The following XYLT2 variants were observed in gnomAD, a reference collection of about 807,000 sequenced individuals.
XYLT2 encodes the protein UDP-D-xylose:proteoglycan core protein beta-D-xylosyltransferase.
XYLT2 carries 37 observed loss-of-function variants against 82.6 expected under a neutral mutation model. That is an observed-to-expected ratio of 0.45 (90% confidence interval 0.34 to 0.59). The LOEUF is 0.59. Among genes scored for constraint, XYLT2 ranks in the 20% least tolerant of loss-of-function variants. The pLI, the probability that XYLT2 is intolerant of heterozygous loss-of-function variation, is 0.01. For missense variants in XYLT2, 934 were observed against 1,181.3 expected (o/e 0.79, Z 3.07); for synonymous variants, 474 against 499.0 (o/e 0.95, Z 0.67).
intron 3 of XYLT2, 124 bp downstream of exon 3, chr17:50,354,707 G>T: frequency 6.6e-7 from 1 of 1,523,402 alleles, no homozygotes; most frequent in Non-Finnish European, 8.9e-7. Flanking sequence ...CCTGAACAGG[G>T]GAGTGGCAGC....
rs386386236 is a variant in XYLT2 at position 50,360,571 on chromosome 17, C to CTTTTTTTTTTTTTTT, written c.*285_*299dup. ...TGTCTAGTTTGAATTTCTTTTTTTT[C>CTTTTTTTTTTTTTTT]TTTTTTTTTTTTTTTTTTTAATTTA... is the stretch of plus-strand genomic sequence containing the variant. On this transcript the variant is annotated 3_prime_UTR_variant, in exon 11 of 11. Coordinates refer to ENST00000017003, the MANE Select transcript of XYLT2 (RefSeq NM_022167.4). 9.2e-6 allele frequency: 9 copies of CTTTTTTTTTTTTTTT among 979,892 alleles called. No individual in the cohort carries two copies. Among genetic ancestry groups the CTTTTTTTTTTTTTTT allele is most frequent in the South Asian group, 4.8e-5 (1 of 20,742 alleles). 60.7% of individuals were successfully genotyped at this position (979,892 alleles called of 1,614,324 possible).
chr17:50,356,822 AG>A (rs1456555925), intron 8 of XYLT2, 49 bp downstream of exon 8: 2 of 1,560,764 alleles, frequency 1.3e-6, no homozygotes, highest in East Asian at 4.5e-5. Flanking sequence ...GTGGTGCCCT[AG>A]GGGGAGGCCA....
rs1912662254 is a variant in XYLT2 at position 50,358,632 on chromosome 17, C to G, written c.2275+92C>G. 2.3e-6 allele frequency: 3 copies of G among 1,317,464 alleles called. No individual in the cohort carries two copies. In the South Asian group the frequency reaches 4.5e-5, roughly 20 times the overall value. 81.6% of individuals were successfully genotyped at this position (1,317,464 alleles called of 1,614,324 possible). The stretch of plus-strand genomic sequence containing the variant: ...TCAAGAAGCCAACCATCAGAGCTGA[C>G]TCCCATCCCTAGAGTCAGGGAAGCA... On this transcript the variant is annotated intron_variant, in intron 10 of 10. Transcript: ENST00000017003.
At chr17:50,356,852 C>A in intron 8 of XYLT2, 79 bp downstream of exon 8, 1 of 1,531,272 alleles carries the variant, frequency 6.5e-7, no homozygotes, top group Non-Finnish European at 8.7e-7. Context: ...GTGACGTCCC[C>A]TGCCCACAAC....
rs1257388738 is a variant in XYLT2, at chr17:50,358,245, G to T, written c.1980G>T (p.Arg660=). 6.2e-7 allele frequency: 1 copy of T among 1,610,974 alleles called. No homozygotes were observed. The highest frequency in any genetic ancestry group is 1.1e-5 in the South Asian group (1 of 91,000). ...GGGACCCCAAAGAGCGTCTTTTCCG[G>T]AACTTTGGGGGGTTACTGGGGCCGC... ...TDWDPKERLF[R]NFGGLLGPLD... Residue 660 remains arginine (R), a synonymous_variant, in exon 10 of 11, where the codon CGG becomes CGT. Coordinates refer to ENST00000017003, the MANE Select transcript of XYLT2 (RefSeq NM_022167.4).
At chr17:50,359,643 C>A (rs1342058396) in intron 10 of XYLT2, 5 of 295,174 alleles carry the variant, frequency 1.7e-5, no homozygotes. Context: ...TGCCCGAGTA[C>A]AGGCTTCTGA....
chr17:50,348,766 G>A (rs896802442), intron 1 of XYLT2, among the ~76,000 whole-genome samples: 7 of 152,364 alleles, frequency 4.6e-5, no homozygotes, highest in Admixed American at 4.6e-4. Context: ...GGAAGTGGCA[G>A]AGGATTTTAA....
At chr17:50,356,962 C>A in intron 8 of XYLT2, 95 bp from the exon 9 acceptor site, 1 of 1,473,126 alleles carries the variant, frequency 6.8e-7, no homozygotes, top group Non-Finnish European at 9.1e-7. Flanking sequence ...AAAGGAAGTG[C>A]CTGGGGATGG....
At chr17:50,347,103 G>T (rs9892481) in intron 1 of XYLT2, among the ~76,000 whole-genome samples, 10,757 of 152,212 alleles carry the variant, frequency 0.071, 940 homozygotes, top group African/African-American at 0.2. Context: ...TGGTTTCAGC[G>T]GGAGGCTCAG....
Position 50,346,284 on chromosome 17 carries a change from A to T in XYLT2, c.135+9A>T. On this transcript the variant is annotated intron_variant, in intron 1 of 10. Transcript: ENST00000017003. The surrounding 1 kb of genome is among the most constrained non-coding windows in gnomAD (Gnocchi z 5.1). ...AGGACGAGGCGGGCGAGGTGCTCCG[A>T]CGGCCGGGCGGGCGGGCAGGCCGGG... 1.8e-6 allele frequency: 2 copies of T among 1,098,718 alleles called. No homozygotes were observed. Among genetic ancestry groups the T allele is most frequent in the Non-Finnish European group, 1.1e-6 (1 of 896,058 alleles). 68.1% of individuals were successfully genotyped at this position (1,098,718 alleles called of 1,614,324 possible). A position where few individuals can be genotyped will look rare whatever the true frequency, so the allele number is the denominator to read the frequency against.
intron 2 of XYLT2, 139 bp downstream of exon 2, chr17:50,354,261 T>C: frequency 1.3e-6 from 2 of 1,504,382 alleles, no homozygotes; most frequent in African/African-American, 2.8e-5. Context: ...CCAGTGTACT[T>C]ACTAAGTGGC....
chr17:50,360,466 C>T lies in XYLT2; in HGVS notation c.*175C>T. 1 of 1,362,354 alleles carries T rather than the reference C, an allele frequency of 7.3e-7. No homozygotes were observed. The highest frequency in any genetic ancestry group is 9.4e-7 in the Non-Finnish European group (1 of 1,061,342). 84.4% of individuals were successfully genotyped at this position (1,362,354 alleles called of 1,614,324 possible). A position where few individuals can be genotyped will look rare whatever the true frequency, so the allele number is the denominator to read the frequency against. On this transcript the variant is annotated 3_prime_UTR_variant, in exon 11 of 11. Transcript: ENST00000017003. ...ACACAGTATGAACTACTGCTGATGT[C>T]TCTGTTGGGGATCAGAGGGCTGGCG...
rs1229351071 is a variant in XYLT2 at position 50,360,733 on chromosome 17, T to TGGGCCTGCCTCACTCTCCA, written c.*449_*467dup. On this transcript the variant is annotated 3_prime_UTR_variant, in exon 11 of 11. Transcript: ENST00000017003. ...CACCTGCTATTGTTCTGCACGAGGC[T>TGGGCCTGCCTCACTCTCCA]GGGCCTGCCTCACTCTCCAGGGCCT... 1 of 988,642 alleles carries TGGGCCTGCCTCACTCTCCA rather than the reference T, an allele frequency of 1.0e-6. No homozygotes were observed. The highest frequency in any genetic ancestry group is 1.2e-6 in the Non-Finnish European group (1 of 832,018). 61.2% of individuals were successfully genotyped at this position (988,642 alleles called of 1,614,324 possible).
intron 9 of XYLT2, 155 bp from the exon 10 acceptor site, chr17:50,358,052 G>T: frequency 1.5e-6 from 1 of 660,382 alleles, no homozygotes. Context: ...AGATATTAAA[G>T]GTCTCCTAGT....
At position 50,350,286 on chromosome 17, in the gene XYLT2, C is replaced by T. The variant is rs139775989; in HGVS notation, c.136-3344C>T. ...TTCATTCATTCAAAAAATACTAAGG[C>T]CAGGCACAGTGGCTTAGGCCTGTAA... is the stretch of plus-strand genomic sequence containing the variant. On this transcript the variant is annotated intron_variant, in intron 1 of 10. Transcript: ENST00000017003. Among the ~76,000 whole-genome samples the T allele has an allele frequency of 1.9e-5, 2 of 102,748 alleles. 1 individual carries two copies. The highest frequency in any genetic ancestry group is 6.4e-5 in the African/African-American group (2 of 31,018). 67.4% of individuals were successfully genotyped at this position (102,748 alleles called of 152,430 possible).
chr17:50,349,644 A>C (rs12450449), intron 1 of XYLT2, among the ~76,000 whole-genome samples: 28,665 of 152,190 alleles, frequency 0.19, 3,217 homozygotes, highest in Non-Finnish European at 0.25. Context: ...GAGGGCATGG[A>C]TGTAGGCATG....
chr17:50,358,666 C>CCCTTCCA, intron 10 of XYLT2, 126 bp downstream of exon 10: 1 of 1,022,492 alleles, frequency 9.8e-7, no homozygotes, highest in Non-Finnish European at 1.4e-6. Flanking sequence ...CATGGAAGGG[C>CCCTTCCA]TGGGGCCTTC....
chr17:50,355,329 T>C (rs947439633), intron 4 of XYLT2, among the ~76,000 whole-genome samples, 172 bp from the exon 5 acceptor site: 3 of 152,134 alleles, frequency 2.0e-5, no homozygotes, highest in African/African-American at 7.2e-5. Flanking sequence ...AGAGGAAGGA[T>C]GGGGTGGTCT....
At position 50,354,642 on chromosome 17, in the gene XYLT2, G is replaced by A. The variant is rs1012422849; in HGVS notation, c.804+59G>A. 13 of 1,561,364 alleles carry A rather than the reference G, an allele frequency of 8.3e-6. 1 individual carries two copies. The Admixed American group carries it at 1.2e-4, about 15-fold the overall frequency. Reference sequence around the variant, plus strand: ...ATGAGCAGAGCAGAAACAGAAGGTTGCAGACAGACAGAGTCTCTGACCTGG... The same window carrying A: ...ATGAGCAGAGCAGAAACAGAAGGTTACAGACAGACAGAGTCTCTGACCTGG... On this transcript the variant is annotated intron_variant, in intron 3 of 10. Coordinates refer to ENST00000017003, the MANE Select transcript of XYLT2 (RefSeq NM_022167.4).
Sources: allele counts gnomAD v4.1 joint callset (sites outside exome capture counted in the v4.1 genomes callset), GRCh38; gene constraint gnomAD v4.1.1; non-coding constraint Gnocchi (gnomAD v3.1); transcripts MANE v1.5; gene names NCBI Gene and HGNC (gene_info 2026-07-23, HGNC 2026-07-21).